Variants in GTF3C1 observed in about 807,000 individuals in gnomAD.
GTF3C1 encodes the protein general transcription factor IIIC subunit 1, also known as general transcription factor 3C polypeptide 1.
Under a neutral mutation model 226.7 loss-of-function variants are expected in GTF3C1, and 57 were observed. That is an observed-to-expected ratio of 0.25 (90% CI 0.20 to 0.31). GTF3C1 has a LOEUF of 0.31. GTF3C1 is among the 10% of genes least tolerant of loss of function. The pLI is 1.00. For missense variants in GTF3C1, 2,217 were observed against 2,776.1 expected, an observed-to-expected ratio of 0.80 and a Z score of 4.53; for synonymous variants, 1,090 against 1,084.8, an observed-to-expected ratio of 1.00 and a Z score of -0.09.
intron 1 of GTF3C1, among the ~76,000 whole-genome samples, chr16:27,548,932 TTGTC>T (rs2089216853): frequency 1.3e-5 from 2 of 152,112 alleles, no homozygotes; most frequent in Non-Finnish European, 2.9e-5. Flanking sequence ...GAGGTGCGGA[TTGTC>T]TGAGGTCAGG....
chr16:27,502,981 G>A lies in GTF3C1; in HGVS notation c.1785C>T (p.Ser595=), dbSNP rs141329688. 1.9e-6 allele frequency: 3 copies of A among 1,613,056 alleles called. No homozygotes were observed. The highest frequency in any genetic ancestry group is 2.5e-6 in the Non-Finnish European group (3 of 1,179,016). The part of the protein sequence containing the change: ...RMENPKESSS[S]LKTGRHSSGQ... The stretch of plus-strand genomic sequence containing the variant: ...CTGAGCTGTGCCTCCCAGTCTTCAG[G>A]GAACTGCTACTCTCCTAGAACAGAG... The change falls in exon 11 of 37, where the codon TCC becomes TCT. Residue 595 remains serine (S), a synonymous_variant. Coordinates refer to ENST00000356183, the MANE Select transcript of GTF3C1 (RefSeq NM_001520.4).
At chr16:27,523,078 G>A (rs2088775063) in intron 6 of GTF3C1, among the ~76,000 whole-genome samples, 1 of 152,146 alleles carries the variant, frequency 6.6e-6, no homozygotes, top group East Asian at 1.9e-4. Context: ...GACCACCTCA[G>A]TCATTAGCCC....
intron 24 of GTF3C1, among the ~76,000 whole-genome samples, chr16:27,484,638 C>T (rs1179660841): frequency 6.6e-6 from 1 of 152,184 alleles, no homozygotes; most frequent in African/African-American, 2.4e-5. Flanking sequence ...GGGGGAACTG[C>T]CTGAAAGGGC....
rs1257282158 is a variant in GTF3C1, at chr16:27,462,096, G to A, written c.6117+198C>T. ...AGCACCCCGGGCACCCCATCTTCCAGCCTGGTCAGCAGCATGGAGCTGGTG... is the reference window on the plus strand; with the variant it reads ...AGCACCCCGGGCACCCCATCTTCCAACCTGGTCAGCAGCATGGAGCTGGTG... On this transcript the variant is annotated intron_variant, in intron 36 of 36. Transcript: ENST00000356183. This position sits in a 1 kb window ranked among gnomAD's most constrained non-coding sequence, Gnocchi z 4.5. 2 of 583,360 alleles carry A rather than the reference G, an allele frequency of 3.4e-6. No individual in the cohort carries two copies. 36.1% of individuals were successfully genotyped at this position (583,360 alleles called of 1,614,324 possible).
At chr16:27,513,511 A>G (rs745906218) in intron 6 of GTF3C1, among the ~76,000 whole-genome samples, 8 of 152,208 alleles carry the variant, frequency 5.3e-5, no homozygotes, top group Non-Finnish European at 1.0e-4. Context: ...CAGTAGGATC[A>G]GCGTGAGAGA....
intron 6 of GTF3C1, among the ~76,000 whole-genome samples, chr16:27,517,501 G>A (rs1210796405): frequency 6.6e-6 from 1 of 152,190 alleles, no homozygotes; most frequent in Non-Finnish European, 1.5e-5. Context: ...CCTGGTCCCT[G>A]GACACAGGGC....
chr16:27,461,239 C>T lies in GTF3C1; in HGVS notation c.*111G>A. The T allele has an allele frequency of 1.5e-6, 1 of 673,730 alleles. No individual in the cohort carries two copies. Among genetic ancestry groups the T allele is most frequent in the Non-Finnish European group, 2.6e-6 (1 of 386,276 alleles). The allele number at this position is 673,730 out of a possible 1,614,324, so 41.7% of individuals were successfully genotyped here. Reference sequence around the variant, plus strand: ...CTCTGGCCAAAGCACCCGTCCCCTGCTGCAGGAGGCTCGGCAGACCCAAGG... The same window carrying T: ...CTCTGGCCAAAGCACCCGTCCCCTGTTGCAGGAGGCTCGGCAGACCCAAGG... On this transcript the variant is annotated 3_prime_UTR_variant, in exon 37 of 37. Transcript: ENST00000356183. This position sits in a 1 kb window ranked among gnomAD's most constrained non-coding sequence, Gnocchi z 5.3.
intron 25 of GTF3C1, 84 bp downstream of exon 25, chr16:27,484,127 T>C (rs1425893721): frequency 9.8e-7 from 1 of 1,022,876 alleles, no homozygotes; most frequent in Non-Finnish European, 1.5e-6. Flanking sequence ...CTCAGTGTGC[T>C]CCAGCCACAC....
chr16:27,485,930 G>A, intron 24 of GTF3C1, 67 bp downstream of exon 24: 1 of 1,091,566 alleles, frequency 9.2e-7, no homozygotes. Flanking sequence ...GGAGTCCCCG[G>A]AAGGCTCAGA....
intron 5 of GTF3C1, among the ~76,000 whole-genome samples, 164 bp from the exon 6 acceptor site, chr16:27,528,885 G>A (rs1452983182): frequency 6.6e-6 from 1 of 152,166 alleles, no homozygotes; most frequent in East Asian, 1.9e-4. Context: ...ACCAAAACAA[G>A]GTCCAGAGCA....
At chr16:27,521,714 T>C (rs761752150) in intron 6 of GTF3C1, among the ~76,000 whole-genome samples, 2 of 152,254 alleles carry the variant, frequency 1.3e-5, no homozygotes, top group Non-Finnish European at 2.9e-5. Flanking sequence ...CTTTCTTTTA[T>C]TTCTCTTATT....
rs149634479 is a variant in GTF3C1, at chr16:27,491,936, C to A, written c.3151+402G>T. Among the ~76,000 whole-genome samples the A allele has an allele frequency of 7.0e-3, 1,060 of 152,294 alleles. 18 individuals are homozygous for A. The highest frequency in any genetic ancestry group is 0.024 in the African/African-American group (979 of 41,550). On this transcript the variant is annotated intron_variant, in intron 19 of 36. Coordinates refer to ENST00000356183, the MANE Select transcript of GTF3C1 (RefSeq NM_001520.4). ...GCCCTGGAATAAACACCACCCCAAC[C>A]AACACCTAGGCCCTCACTGCACTCC...
At chr16:27,545,254 G>T in intron 2 of GTF3C1, 60 bp downstream of exon 2, 1 of 1,207,210 alleles carries the variant, frequency 8.3e-7, no homozygotes, top group Non-Finnish European at 1.2e-6. Context: ...TGGGATTACA[G>T]GCGTGAGCCA....
rs148970158 is a variant in GTF3C1, at chr16:27,483,113, G to C, written c.4014C>G (p.Ala1338=). The change falls in exon 26 of 37, where the codon GCC becomes GCG. Residue 1338 remains alanine (A), a synonymous_variant. Coordinates refer to ENST00000356183, the MANE Select transcript of GTF3C1 (RefSeq NM_001520.4). ...QAYLNYKVCL[A]EVYQDKALVG... ...CAAGTGCTTTATCCTGGTACACCTCGGCCAGGCACACTCTGCAGGAAGAGG... is the reference window on the plus strand; with the variant it reads ...CAAGTGCTTTATCCTGGTACACCTCCGCCAGGCACACTCTGCAGGAAGAGG... 8.1e-6 allele frequency: 13 copies of C among 1,613,942 alleles called. No individual in the cohort carries two copies. In the African/African-American group the frequency reaches 1.5e-4, roughly 18 times the overall value.
chr16:27,515,592 T>G (rs567746579), intron 6 of GTF3C1, among the ~76,000 whole-genome samples: 1 of 152,262 alleles, frequency 6.6e-6, no homozygotes, highest in Non-Finnish European at 1.5e-5. Context: ...AACTACCTCC[T>G]GAATAAACGT....
At chr16:27,486,907 A>T (rs2088148745) in intron 23 of GTF3C1, among the ~76,000 whole-genome samples, 1 of 152,250 alleles carries the variant, frequency 6.6e-6, no homozygotes, top group Non-Finnish European at 1.5e-5. Flanking sequence ...TGAGGAACAC[A>T]GAGACATACA....
At chr16:27,484,381 AAG>A (rs1423366865) in intron 24 of GTF3C1, 28 bp from the exon 25 acceptor site, 2 of 1,566,704 alleles carry the variant, frequency 1.3e-6, no homozygotes, top group African/African-American at 2.7e-5. Flanking sequence ...CCAAGACAAA[AAG>A]TCAGTATCCT....
At position 27,470,097 on chromosome 16, in the gene GTF3C1, CG is replaced by C; in HGVS notation, c.4814+10del. The C allele has an allele frequency of 6.2e-7, 1 of 1,608,312 alleles. No homozygotes were observed. The highest frequency in any genetic ancestry group is 1.1e-5 in the South Asian group (1 of 90,702). The stretch of plus-strand genomic sequence containing the variant: ...TGGCCAGACCTGATGCTGCGGATGC[CG>C]GACTCTTACCTTTTGATGACCTCAT... On this transcript the variant is annotated intron_variant, in intron 31 of 36. Transcript: ENST00000356183. This position sits in a 1 kb window ranked among gnomAD's most constrained non-coding sequence, Gnocchi z 4.9.
chr16:27,481,444 G>A (rs1303871236), intron 26 of GTF3C1, among the ~76,000 whole-genome samples: 1 of 152,020 alleles, frequency 6.6e-6, no homozygotes, highest in Non-Finnish European at 1.5e-5. Context: ...CCCACCGACA[G>A]CCTCACCCTG....
Sources: gnomAD v4.1 joint callset for allele counts (sites outside exome capture counted in the v4.1 genomes callset) on GRCh38, gnomAD v4.1.1 for gene constraint, Gnocchi (gnomAD v3.1) non-coding constraint, MANE v1.5 for transcripts, NCBI Gene and HGNC (gene_info 2026-07-23, HGNC 2026-07-21) for gene names.